The following ARHGEF10 variants were observed in gnomAD, a reference collection of about 807,000 sequenced individuals.
ARHGEF10 encodes Rho guanine nucleotide exchange factor 10.
ARHGEF10 carries 140 observed loss-of-function variants against 147.4 expected under a neutral mutation model. The observed-to-expected ratio is 0.95, with a 90% CI of 0.83 to 1.09. The LOEUF is 1.09. Ranked by LOEUF, ARHGEF10 falls within the 50% of genes least tolerant of loss-of-function variation. The pLI is 0.00. For synonymous variants in ARHGEF10, 902 were observed against 695.8 expected (o/e 1.30, Z -4.67); for missense variants, 2,222 against 1,752.7 (o/e 1.27, Z -4.78).
chr8:1,912,340 A>C (rs1781013198), intron 18 of ARHGEF10, among the ~76,000 whole-genome samples: 2 of 151,442 alleles, frequency 1.3e-5, no homozygotes, highest in African/African-American at 4.9e-5. Flanking sequence ...GTGGTGTTAG[A>C]CTCAGTAGGA....
intron 11 of ARHGEF10, 53 bp from the exon 12 acceptor site, chr8:1,893,516 C>T (rs1809717157): frequency 1.7e-6 from 2 of 1,168,652 alleles, no homozygotes; most frequent in East Asian, 4.7e-5. Context: ...TAAAATGTAT[C>T]TGTGTGTATT....
chr8:1,921,099 C>T (rs191811778), intron 18 of ARHGEF10, among the ~76,000 whole-genome samples: 4 of 152,222 alleles, frequency 2.6e-5, no homozygotes, highest in Admixed American at 6.5e-5. Context: ...CCCTTTGTTA[C>T]GAAACTTCAT....
intron 2 of ARHGEF10, among the ~76,000 whole-genome samples, chr8:1,851,788 C>T (rs1373376863): frequency 2.0e-5 from 3 of 152,044 alleles, no homozygotes; most frequent in African/African-American, 7.3e-5. Flanking sequence ...GTGGCTCATG[C>T]CTGTAGTCCT....
chr8:1,843,414 G>A lies in ARHGEF10; in HGVS notation c.15G>A (p.Glu5=). The A allele has an allele frequency of 6.2e-7, 1 of 1,613,252 alleles. No individual in the cohort carries two copies. The highest frequency in any genetic ancestry group is 8.5e-7 in the Non-Finnish European group (1 of 1,179,980). ...GGAGCTGCAGCATGGACCAGCGAGA[G>A]CCCCTGCCTCCCGCTCCTGCAGGTA... MDQR[E]PLPPAPAENE... Residue 5 remains glutamate (E), a synonymous_variant, in exon 2 of 29, where the codon GAG becomes GAA. Transcript: ENST00000349830.
In ARHGEF10 at chr8:1,896,382, T is replaced by G. The variant is rs1330640499; in HGVS notation, c.1490T>G (p.Phe497Cys). 1 of 1,614,092 alleles carries G rather than the reference T, an allele frequency of 6.2e-7. No individual in the cohort carries two copies. The highest frequency in any genetic ancestry group is 1.3e-5 in the African/African-American group (1 of 75,040). The change falls in exon 14 of 29, where the codon TTC becomes TGC. Residue 497 changes from phenylalanine to cysteine, a missense_variant. Phe to Cys is a radical substitution (Grantham distance 205). Coordinates refer to ENST00000349830, the MANE Select transcript of ARHGEF10 (RefSeq NM_014629.4). ...LDAYSEYVNN[F>C]STAVAVLKKT... ...GCATACAGTGAATATGTGAACAATTTCAGCACAGCCGTGGCAGTCCTCAAG... is the reference window on the plus strand; with the variant it reads ...GCATACAGTGAATATGTGAACAATTGCAGCACAGCCGTGGCAGTCCTCAAG...
chr8:1,873,456 ATTT>A, intron 7 of ARHGEF10, among the ~76,000 whole-genome samples: 1 of 122,466 alleles, frequency 8.2e-6, no homozygotes, highest in East Asian at 3.2e-4. Context: ...GTGCACCCGC[ATTT>A]CCTCGTTGCG....
Position 1,909,482 on chromosome 8 carries a change from T to C in ARHGEF10, c.2143+12T>C, listed in dbSNP as rs1233900362. 14 of 1,613,766 alleles carry C rather than the reference T, an allele frequency of 8.7e-6. No individual in the cohort carries two copies. Among genetic ancestry groups the C allele is most frequent in the Non-Finnish European group, 1.0e-5 (12 of 1,179,962 alleles). On this transcript the variant is annotated intron_variant, in intron 18 of 28. Transcript: ENST00000349830. ...TAACGCGAAACCAAGTAAGTGATGC[T>C]TTCTCTCACGTTCGTGCCGTGGGGC...
intron 21 of ARHGEF10, among the ~76,000 whole-genome samples, chr8:1,924,157 G>T (rs1032840236): frequency 5.9e-5 from 9 of 152,180 alleles, no homozygotes; most frequent in African/African-American, 2.2e-4. Context: ...GAGGAAGCCC[G>T]TGGAGCCTGG....
rs200222483 is a variant in ARHGEF10, at chr8:1,928,601, G to C, written c.2872G>C (p.Val958Leu). 6.2e-7 allele frequency: 1 copy of C among 1,614,210 alleles called. No homozygotes were observed. Among genetic ancestry groups the C allele is most frequent in the Non-Finnish European group, 8.5e-7 (1 of 1,180,040 alleles). The change falls in exon 24 of 29, where the codon GTG (valine) becomes CTG (leucine). Residue 958 changes from valine (V) to leucine (L), a missense_variant. Transcript: ENST00000349830. ...GAPPDPETPA[V>L]RASDVPTICV... ...ACCCCCGGACCCCGAGACCCCGGCC[G>C]TGAGAGCTTCTGATGTCCCCACGAT...
intron 7 of ARHGEF10, 197 bp from the exon 8 acceptor site, chr8:1,876,374 C>A (rs1024350687): frequency 1.6e-6 from 1 of 630,932 alleles, no homozygotes; most frequent in Admixed American, 2.6e-5. Flanking sequence ...CCCCAGCCTC[C>A]CCGGCCCTGC....
intron 27 of ARHGEF10, among the ~76,000 whole-genome samples, chr8:1,947,822 A>T (rs931882363): frequency 1.2e-4 from 16 of 130,334 alleles, no homozygotes; most frequent in African/African-American, 4.6e-4. Flanking sequence ...CTCGAAAGCC[A>T]CTCCTGTATG....
intron 2 of ARHGEF10, among the ~76,000 whole-genome samples, chr8:1,856,379 C>T (rs1805553975): frequency 6.6e-6 from 1 of 152,236 alleles, no homozygotes; most frequent in African/African-American, 2.4e-5. Context: ...GCAGTGGTAG[C>T]TGGATCCAGT....
Position 1,957,450 on chromosome 8 carries a change from C to A in ARHGEF10, c.*187C>A. 4 of 823,166 alleles carry A rather than the reference C, an allele frequency of 4.9e-6. No individual in the cohort carries two copies. The highest frequency in any genetic ancestry group is 7.4e-6 in the Non-Finnish European group (4 of 538,060). 51.0% of individuals were successfully genotyped at this position (823,166 alleles called of 1,614,324 possible). On this transcript the variant is annotated 3_prime_UTR_variant, in exon 29 of 29. Coordinates refer to ENST00000349830, the MANE Select transcript of ARHGEF10 (RefSeq NM_014629.4). ...AATTCCTTCCTTCTCTTCTGTACAGCAGAAGTAATTACAAGCACTTCTCAC... is the reference window on the plus strand; with the variant it reads ...AATTCCTTCCTTCTCTTCTGTACAGAAGAAGTAATTACAAGCACTTCTCAC...
chr8:1,945,941 AGAGTGGGTGG>A, intron 27 of ARHGEF10: 2 of 228,716 alleles, frequency 8.7e-6, no homozygotes, highest in Non-Finnish European at 1.6e-5. Context: ...TCTGTAGGTC[AGAGTGGGTGG>A]GAGACGATTT....
chr8:1,885,607 G>A lies in ARHGEF10; in HGVS notation c.1082G>A (p.Arg361Lys). The change falls in exon 11 of 29, where the codon AGA becomes AAA. Residue 361 changes from arginine (R) to lysine (K), a missense_variant. Physicochemically the swap from Arg to Lys is conservative, Grantham distance 26. Coordinates refer to ENST00000349830, the MANE Select transcript of ARHGEF10 (RefSeq NM_014629.4). The stretch of plus-strand genomic sequence containing the variant: ...TTTTGACTTTTTTTTTAAGATCACA[G>A]ATCTTCTCTTGAGGAAGAACAGAAT... ...RTKSLIAQDH[R>K]SSLEEEQNLF... The A allele has an allele frequency of 6.2e-7, 1 of 1,611,604 alleles. No individual in the cohort carries two copies.
Position 1,876,458 on chromosome 8 carries a change from C to G in ARHGEF10, c.680-113C>G, listed in dbSNP as rs574217754. ...GCTCCGCAGGGTCCTCAGCATGATT[C>G]AGATTTCCTTCCACCCCCAGCTCTA... On this transcript the variant is annotated intron_variant, in intron 7 of 28. Transcript: ENST00000349830. 2.3e-5 allele frequency: 26 copies of G among 1,149,608 alleles called. No individual in the cohort carries two copies. The African/African-American group carries it at 3.8e-4, about 17-fold the overall frequency. The allele number at this position is 1,149,608 out of a possible 1,614,324, so 71.2% of individuals were successfully genotyped here.
Position 1,945,869 on chromosome 8 carries a change from C to G in ARHGEF10, c.3397+214C>G. Reference sequence around the variant, plus strand: ...GCGCTTCCCGGTGCAGGGCACAGGTCCTGAAGGAGCCGCGTGCTGGGAGGA... The same window carrying G: ...GCGCTTCCCGGTGCAGGGCACAGGTGCTGAAGGAGCCGCGTGCTGGGAGGA... On this transcript the variant is annotated intron_variant, in intron 27 of 28. Transcript: ENST00000349830. 1 of 823,042 alleles carries G rather than the reference C, an allele frequency of 1.2e-6. No homozygotes were observed. Among genetic ancestry groups the G allele is most frequent in the Non-Finnish European group, 1.9e-6 (1 of 516,544 alleles). The allele number at this position is 823,042 out of a possible 1,614,324, so 51.0% of individuals were successfully genotyped here.
rs538897725 is a variant in ARHGEF10 at position 1,899,590 on chromosome 8, G to A, written c.1650+1065G>A. 6.6e-5 allele frequency among the ~76,000 whole-genome samples: 10 copies of A among 152,186 alleles called. No homozygotes were observed. The South Asian group carries it at 1.9e-3, about 28-fold the overall frequency. ...GAAAAAGGATACATACTAAAATATC[G>A]ACATGGGCTCTTTCCATGGTTAGGT... On this transcript the variant is annotated intron_variant, in intron 15 of 28. Transcript: ENST00000349830.
At chr8:1,893,766 A>G (rs1456800244) in intron 12 of ARHGEF10, 120 bp downstream of exon 12, 7 of 760,496 alleles carry the variant, frequency 9.2e-6, no homozygotes, top group Non-Finnish European at 1.6e-5. Flanking sequence ...AAATTTGCAA[A>G]ATTCTCAAAA....
Sources: gnomAD v4.1 joint callset for allele counts (sites outside exome capture counted in the v4.1 genomes callset) on GRCh38, gnomAD v4.1.1 for gene constraint, MANE v1.5 for transcripts, NCBI Gene and HGNC (gene_info 2026-07-23, HGNC 2026-07-21) for gene names.